The following DLG2 variants were observed in gnomAD, a reference collection of about 807,000 sequenced individuals.
The protein encoded by DLG2 is discs large MAGUK scaffold protein 2.
Under a neutral mutation model 132.5 loss-of-function variants are expected in DLG2, and 45 were observed. That is an observed-to-expected ratio of 0.34 (90% CI 0.27 to 0.44). DLG2 has a LOEUF of 0.44. Among genes scored for constraint, DLG2 ranks in the 20% least tolerant of loss-of-function variants. The pLI, the probability that DLG2 is intolerant of heterozygous loss-of-function variation, is 1.00. For missense variants in DLG2, 1,045 were observed against 1,196.9 expected (o/e 0.87, Z 1.87); for synonymous variants, 424 against 419.6 (o/e 1.01, Z -0.13).
At chr11:85,607,884 T>C (rs1013402281) in intron 2 of DLG2, among the ~76,000 whole-genome samples, 3 of 152,198 alleles carry the variant, frequency 2.0e-5, no homozygotes, top group Non-Finnish European at 2.9e-5. Flanking sequence ...AACATCTTTA[T>C]AGGACATGGG....
chr11:85,058,185 A>G (rs1274623860), intron 6 of DLG2, among the ~76,000 whole-genome samples: 3 of 151,548 alleles, frequency 2.0e-5, no homozygotes, highest in Non-Finnish European at 4.4e-5. Flanking sequence ...TAGAAATGTA[A>G]GTGAATTTAG....
intron 11 of DLG2, among the ~76,000 whole-genome samples, chr11:84,004,252 TTTA>T (rs1441442922): frequency 6.6e-6 from 1 of 152,106 alleles, no homozygotes; most frequent in East Asian, 1.9e-4. Flanking sequence ...CAAAATGGGA[TTTA>T]TACCAAGGGA....
At chr11:85,385,745 T>C (rs1030250771) in intron 3 of DLG2, among the ~76,000 whole-genome samples, 2 of 152,172 alleles carry the variant, frequency 1.3e-5, no homozygotes, top group Non-Finnish European at 2.9e-5. Flanking sequence ...GATTTTTGAA[T>C]GATGCAAGAA....
chr11:85,214,129 G>A (rs550638938), intron 4 of DLG2, among the ~76,000 whole-genome samples: 8 of 152,166 alleles, frequency 5.3e-5, no homozygotes, highest in African/African-American at 1.4e-4. Flanking sequence ...ACCATGTCCC[G>A]TTGTGAGCCC....
intron 7 of DLG2, among the ~76,000 whole-genome samples, chr11:84,366,550 T>C (rs376566341): frequency 1.3e-4 from 20 of 152,138 alleles, no homozygotes; most frequent in African/African-American, 4.6e-4. Flanking sequence ...CATCAGTGTG[T>C]TGTATTCAGG....
intron 6 of DLG2, among the ~76,000 whole-genome samples, chr11:84,905,400 T>C (rs1218318481): frequency 3.9e-5 from 6 of 152,180 alleles, no homozygotes; most frequent in Non-Finnish European, 5.9e-5. Context: ...CAGCCCCCAA[T>C]AGACTCTATG....
intron 18 of DLG2, among the ~76,000 whole-genome samples, chr11:83,770,265 G>GTTTTTTTTTTTT (rs71066064): frequency 0.039 from 5,016 of 127,408 alleles, 224 homozygotes; most frequent in South Asian, 0.065. Context: ...GTTTTTTTTT[G>GTTTTTTTTTTTT]TTTTTTTGCT....
chr11:85,273,364 G>A (rs193083729), intron 4 of DLG2, among the ~76,000 whole-genome samples: 3,015 of 152,144 alleles, frequency 0.02, 58 homozygotes, highest in Admixed American at 0.037. Context: ...ATCTGACAAA[G>A]GGCTAATATC....
intron 18 of DLG2, among the ~76,000 whole-genome samples, chr11:83,708,089 T>C (rs2084476208): frequency 6.6e-6 from 1 of 152,252 alleles, no homozygotes; most frequent in Admixed American, 6.5e-5. Context: ...AAAGCTCTTA[T>C]CATTAATACT....
At chr11:83,819,535 C>CTTCATT (rs1227519383) in intron 17 of DLG2, among the ~76,000 whole-genome samples, 1 of 139,798 alleles carries the variant, frequency 7.2e-6, no homozygotes, top group Non-Finnish European at 1.5e-5. Context: ...AAAATATAGT[C>CTTCATT]TTCATTCTTC....
At position 84,204,997 on chromosome 11, in the gene DLG2, C is replaced by T. The variant is rs1166294106; in HGVS notation, c.574-41486G>A. On this transcript the variant is annotated intron_variant, in intron 8 of 27. Coordinates refer to ENST00000376104, the MANE Select transcript of DLG2 (RefSeq NM_001142699.3). ...GGGATTACAGGCGTGAGTCACCGCACCCAGCAGCCACTGATGTACTTTAAA... is the reference window on the plus strand; with the variant it reads ...GGGATTACAGGCGTGAGTCACCGCATCCAGCAGCCACTGATGTACTTTAAA... Among the ~76,000 whole-genome samples, 31 of 152,210 alleles carry T rather than the reference C, an allele frequency of 2.0e-4. 1 individual carries two copies. The highest frequency in any genetic ancestry group is 2.0e-3 in the Admixed American group (31 of 15,284).
At chr11:84,711,082 T>A (rs2060357903) in intron 6 of DLG2, among the ~76,000 whole-genome samples, 1 of 150,368 alleles carries the variant, frequency 6.7e-6, no homozygotes, top group South Asian at 2.1e-4. Context: ...ACTATTTAAA[T>A]GTTTTCTACT....
chr11:84,196,920 C>T (rs1172147667), intron 8 of DLG2, among the ~76,000 whole-genome samples: 3 of 151,312 alleles, frequency 2.0e-5, no homozygotes, highest in African/African-American at 4.9e-5. Flanking sequence ...GCCTGTAATC[C>T]CAGCTACAAG....
intron 18 of DLG2, among the ~76,000 whole-genome samples, chr11:83,765,654 A>C (rs1342786123): frequency 6.6e-6 from 1 of 152,246 alleles, no homozygotes; most frequent in Non-Finnish European, 1.5e-5. Context: ...CAGATGTCTC[A>C]GACAGACAAA....
At chr11:83,479,864 T>TATC (rs1178781820) in intron 22 of DLG2, among the ~76,000 whole-genome samples, 1 of 152,142 alleles carries the variant, frequency 6.6e-6, no homozygotes, top group East Asian at 1.9e-4. Context: ...CATAGTATCC[T>TATC]ATCTTAAAAG....
At chr11:85,010,708 G>C (rs1371986344) in intron 6 of DLG2, among the ~76,000 whole-genome samples, 8 of 152,088 alleles carry the variant, frequency 5.3e-5, no homozygotes, top group Non-Finnish European at 1.2e-4. Context: ...TTGACCTAGA[G>C]ATCTGTTTTG....
At chr11:83,783,996 TA>T (rs1312995595) in intron 18 of DLG2, among the ~76,000 whole-genome samples, 2 of 152,218 alleles carry the variant, frequency 1.3e-5, no homozygotes, top group African/African-American at 4.8e-5. Context: ...TACTTAAGGT[TA>T]GGGGCAGATT....
chr11:84,516,140 T>G (rs889921143), intron 7 of DLG2, among the ~76,000 whole-genome samples: 16 of 149,962 alleles, frequency 1.1e-4, no homozygotes, highest in Non-Finnish European at 1.0e-4. Context: ...AAAAAAGATC[T>G]CAAATAAATA....
In DLG2 at chr11:83,738,405, A is replaced by T. The variant is rs191186693; in HGVS notation, c.1825+48285T>A. Among the ~76,000 whole-genome samples the T allele has an allele frequency of 3.0e-3, 464 of 152,172 alleles. 5 individuals carry two copies. The highest frequency in any genetic ancestry group is 0.02 in the Middle Eastern group (6 of 294). ...TCTTTGGGGGCTGCTCCCCAAAGAC[A>T]CACACTAGTCACTAGCAAACCACTG... On this transcript the variant is annotated intron_variant, in intron 18 of 27. Coordinates refer to ENST00000376104, the MANE Select transcript of DLG2 (RefSeq NM_001142699.3).
Sources: gnomAD v4.1 joint callset for allele counts (sites outside exome capture counted in the v4.1 genomes callset) on GRCh38, gnomAD v4.1.1 for gene constraint, MANE v1.5 for transcripts, NCBI Gene and HGNC (gene_info 2026-07-23, HGNC 2026-07-21) for gene names.